The following RPS6KA2 variants were observed in gnomAD, a reference collection of about 807,000 sequenced individuals.
RPS6KA2 encodes ribosomal protein S6 kinase A2, also known as ribosomal protein S6 kinase alpha-2.
In RPS6KA2, 42 loss-of-function variants were observed where a neutral mutation model predicts 91.8. The observed-to-expected ratio is 0.46, with a 90% CI of 0.36 to 0.59. The LOEUF (loss-of-function observed/expected upper bound fraction) is 0.59, where lower values mean the gene tolerates loss of function less well. Among genes scored for constraint, RPS6KA2 ranks in the 20% least tolerant of loss-of-function variants. The probability of loss-of-function intolerance (pLI) is 0.00; values close to 1 mark genes in which losing one functional copy is unlikely to be tolerated. For synonymous variants in RPS6KA2, 414 were observed against 393.6 expected, an observed-to-expected ratio of 1.05 and a Z score of -0.61; for missense variants, 798 against 978.5, an observed-to-expected ratio of 0.82 and a Z score of 2.46.
At chr6:166,754,494 T>A (rs1256792966) in intron 2 of RPS6KA2, among the ~76,000 whole-genome samples, 1 of 152,050 alleles carries the variant, frequency 6.6e-6, no homozygotes. Context: ...TGGGCCCTGC[T>A]GCACAGGGGG....
chr6:166,581,420 G>T (rs908113665), intron 1 of RPS6KA2, among the ~76,000 whole-genome samples: 4 of 152,060 alleles, frequency 2.6e-5, no homozygotes, highest in Admixed American at 1.3e-4. Context: ...GCTTCTCAGG[G>T]AGGGAACTGA....
chr6:166,556,851 G>A (rs1360701285), intron 1 of RPS6KA2, among the ~76,000 whole-genome samples: 2 of 152,136 alleles, frequency 1.3e-5, no homozygotes, highest in Non-Finnish European at 2.9e-5. Context: ...ACTTGTCAGG[G>A]CAGTCTTTGT....
intron 2 of RPS6KA2, among the ~76,000 whole-genome samples, chr6:166,642,151 G>T (rs1787458195): frequency 1.3e-5 from 2 of 152,074 alleles, no homozygotes; most frequent in African/African-American, 4.8e-5. Context: ...TCTCTCCAGA[G>T]CAACCAGAAG....
At position 166,821,427 on chromosome 6, in the gene RPS6KA2, G is replaced by A. The variant is rs551696153; in HGVS notation, c.123+36773C>T. ...GTAGGATGGAGGGGTGGAGAGGCAG[G>A]CAGGCAGAAACACAGGAGGCCTCAC... is the stretch of plus-strand genomic sequence containing the variant. On this transcript the variant is annotated intron_variant, in intron 2 of 21. Transcript: ENST00000503859. The surrounding 1 kb of genome is among the most constrained non-coding windows in gnomAD (Gnocchi z 4.1). Among the ~76,000 whole-genome samples the A allele has an allele frequency of 6.6e-6, 1 of 152,096 alleles. No individual in the cohort carries two copies. The highest frequency in any genetic ancestry group is 1.5e-5 in the Non-Finnish European group (1 of 68,026).
At chr6:166,601,685 T>A (rs555011662) in intron 1 of RPS6KA2, among the ~76,000 whole-genome samples, 1 of 152,322 alleles carries the variant, frequency 6.6e-6, no homozygotes, top group South Asian at 2.1e-4. Context: ...ACTAAAAAAA[T>A]TGGTTATCTT....
At chr6:166,553,640 C>T (rs1045815460) in intron 1 of RPS6KA2, among the ~76,000 whole-genome samples, 3 of 152,042 alleles carry the variant, frequency 2.0e-5, no homozygotes, top group Non-Finnish European at 2.9e-5. Flanking sequence ...CTGGCTCTGA[C>T]GTGGGCCAGT....
chr6:166,853,258 G>GGC (rs1301809803), intron 2 of RPS6KA2, among the ~76,000 whole-genome samples: 1 of 152,220 alleles, frequency 6.6e-6, no homozygotes, highest in African/African-American at 2.4e-5. Flanking sequence ...AGGCAATATA[G>GGC]TGAGACCCTG....
chr6:166,595,736 C>A (rs1785513275), intron 1 of RPS6KA2, among the ~76,000 whole-genome samples: 1 of 152,128 alleles, frequency 6.6e-6, no homozygotes, highest in Non-Finnish European at 1.5e-5. Flanking sequence ...TCATTCTGTC[C>A]TTACATGATC....
intron 2 of RPS6KA2, among the ~76,000 whole-genome samples, chr6:166,535,136 T>C (rs956373299): frequency 1.3e-5 from 2 of 152,168 alleles, no homozygotes; most frequent in Non-Finnish European, 2.9e-5. Flanking sequence ...GCCCCCTCAT[T>C]TCATTTTTAG....
chr6:166,556,622 T>C (rs1784185834), intron 1 of RPS6KA2, among the ~76,000 whole-genome samples: 1 of 152,054 alleles, frequency 6.6e-6, no homozygotes, highest in Admixed American at 6.5e-5. Context: ...AGTACAGAGG[T>C]GGGCAACTGG....
At chr6:166,781,441 C>A (rs2128610464) in intron 2 of RPS6KA2, among the ~76,000 whole-genome samples, 1 of 152,308 alleles carries the variant, frequency 6.6e-6, no homozygotes, top group South Asian at 2.1e-4. Flanking sequence ...TCACAGCTCC[C>A]AGCAGAGGCA....
At chr6:166,683,514 T>C (rs1173199839) in intron 2 of RPS6KA2, among the ~76,000 whole-genome samples, 1 of 152,242 alleles carries the variant, frequency 6.6e-6, no homozygotes, top group Non-Finnish European at 1.5e-5. Context: ...TATTAGTTAC[T>C]TGTGTGGCCA....
intron 2 of RPS6KA2, among the ~76,000 whole-genome samples, chr6:166,790,408 G>T (rs1779052837): frequency 6.6e-6 from 1 of 152,188 alleles, no homozygotes; most frequent in Non-Finnish European, 1.5e-5. Flanking sequence ...GAAAGTGATG[G>T]GGAGAATGGA....
At chr6:166,756,987 C>T (rs1184527348) in intron 2 of RPS6KA2, among the ~76,000 whole-genome samples, 1 of 152,036 alleles carries the variant, frequency 6.6e-6, no homozygotes, top group East Asian at 1.9e-4. Flanking sequence ...GTGGTGGCTG[C>T]CCAATGTGAA....
intron 2 of RPS6KA2, among the ~76,000 whole-genome samples, chr6:166,811,986 T>C (rs1022868189): frequency 6.6e-6 from 1 of 152,192 alleles, no homozygotes; most frequent in African/African-American, 2.4e-5. Flanking sequence ...CTGAGTGCAC[T>C]GTAGATTTTA....
At chr6:166,773,289 G>T (rs967936996) in intron 2 of RPS6KA2, among the ~76,000 whole-genome samples, 4 of 152,218 alleles carry the variant, frequency 2.6e-5, no homozygotes, top group African/African-American at 9.6e-5. Context: ...GGAAAGCCCA[G>T]TGTGCCCTAA....
rs746926199 is a variant in RPS6KA2 at position 166,770,943 on chromosome 6, CTTTAAGTCACAGGACGTA to C, written c.123+87239_123+87256del. On this transcript the variant is annotated intron_variant, in intron 2 of 21. Transcript: ENST00000503859. This position sits in a 1 kb window ranked among gnomAD's most constrained non-coding sequence, Gnocchi z 5.1. ...GAAAATGGAAACGAAGAAAGAATTC[CTTTAAGTCACAGGACGTA>C]TTTACAGTCAGCAACTTCATTAGCA... 25 of 1,590,340 alleles carry C rather than the reference CTTTAAGTCACAGGACGTA, an allele frequency of 1.6e-5. No individual in the cohort carries two copies. The highest frequency in any genetic ancestry group is 2.0e-5 in the Non-Finnish European group (24 of 1,176,666).
chr6:166,663,303 C>A (rs1788211255), intron 2 of RPS6KA2, among the ~76,000 whole-genome samples: 2 of 152,180 alleles, frequency 1.3e-5, no homozygotes, highest in Non-Finnish European at 2.9e-5. Context: ...CTATTAAATG[C>A]AGCTGGAAAA....
rs551309239 is a variant in RPS6KA2, at chr6:166,423,259, C to T, written c.1740G>A (p.Pro580=). The change falls in exon 17 of 21, where the codon CCG becomes CCA. Residue 580 remains proline, a synonymous_variant. Coordinates refer to ENST00000265678, the MANE Select transcript of RPS6KA2 (RefSeq NM_021135.6). The surrounding 1 kb of genome is among the most constrained non-coding windows in gnomAD (Gnocchi z 4.8). ...TPCYTANFVA[P]EVLKRQGYDA... ...TCTGCAGTCGGGGAATGCTCACCTC[C>T]GGGGCCACGAAATTGGCCGTGTAGC... 2.0e-5 allele frequency: 32 copies of T among 1,610,164 alleles called. No individual in the cohort carries two copies. The highest frequency in any genetic ancestry group is 1.5e-4 in the South Asian group (14 of 90,890).
Sources: gnomAD v4.1 joint callset for allele counts (sites outside exome capture counted in the v4.1 genomes callset) on GRCh38, gnomAD v4.1.1 for gene constraint, Gnocchi (gnomAD v3.1) non-coding constraint, MANE v1.5 for transcripts, NCBI Gene and HGNC (gene_info 2026-07-23, HGNC 2026-07-21) for gene names.